KCNJ16: variants seen among roughly 807,000 people sequenced by gnomAD.
KCNJ16 encodes the protein potassium inwardly rectifying channel subfamily J member 16.
Under a neutral mutation model 18.5 loss-of-function variants are expected in KCNJ16, and 15 were observed. The ratio of observed to expected loss-of-function variants is 0.81; its 90% confidence interval spans 0.54 to 1.25. The LOEUF is 1.25. Among genes scored for constraint, KCNJ16 ranks in the 50% most tolerant of loss-of-function variants. The pLI, the probability that KCNJ16 is intolerant of heterozygous loss-of-function variation, is 0.00. For missense variants in KCNJ16, 523 were observed against 525.7 expected (o/e 0.99, Z 0.05); for synonymous variants, 174 against 186.5 (o/e 0.93, Z 0.55).
At chr17:70,130,069 A>G (rs1479543350) in intron 2 of KCNJ16, among the ~76,000 whole-genome samples, 1 of 152,144 alleles carries the variant, frequency 6.6e-6, no homozygotes, top group Non-Finnish European at 1.5e-5. Context: ...GGACACATTT[A>G]ACAAGAAAAT....
At chr17:70,092,074 T>C (rs142479735) in intron 1 of KCNJ16, among the ~76,000 whole-genome samples, 1 of 152,206 alleles carries the variant, frequency 6.6e-6, no homozygotes, top group South Asian at 2.1e-4. Flanking sequence ...AACATCTACC[T>C]AAAAGCACAT....
chr17:70,089,528 G>A (rs941704396), intron 1 of KCNJ16, among the ~76,000 whole-genome samples: 1 of 152,044 alleles, frequency 6.6e-6, no homozygotes, highest in Admixed American at 6.6e-5. Context: ...CCCAAAGGTG[G>A]AATCTGTGAC....
chr17:70,110,899 G>A (rs1428586583), intron 2 of KCNJ16, among the ~76,000 whole-genome samples: 1 of 152,116 alleles, frequency 6.6e-6, no homozygotes, highest in Non-Finnish European at 1.5e-5. Context: ...ATTCTTAATG[G>A]TTTGGTCTGG....
At chr17:70,121,323 A>G (rs1187685643) in intron 2 of KCNJ16, among the ~76,000 whole-genome samples, 2 of 152,184 alleles carry the variant, frequency 1.3e-5, no homozygotes, top group African/African-American at 4.8e-5. Context: ...TTCAGGAACA[A>G]TATGTAGCCG....
chr17:70,094,328 T>C (rs2072254666), intron 1 of KCNJ16, among the ~76,000 whole-genome samples: 1 of 152,204 alleles, frequency 6.6e-6, no homozygotes, highest in Non-Finnish European at 1.5e-5. Context: ...TTTATTTTCA[T>C]GGCAGGAATA....
chr17:70,124,091 C>CAAACAAACAA (rs1266506300), intron 2 of KCNJ16, among the ~76,000 whole-genome samples: 7 of 152,156 alleles, frequency 4.6e-5, no homozygotes, highest in Non-Finnish European at 8.8e-5. Flanking sequence ...GACTGTACCT[C>CAAACAAACAA]AAACAAACAA....
At chr17:70,121,567 G>C (rs2144142523) in intron 2 of KCNJ16, among the ~76,000 whole-genome samples, 1 of 152,294 alleles carries the variant, frequency 6.6e-6, no homozygotes, top group South Asian at 2.1e-4. Flanking sequence ...TACAGATTAT[G>C]CAAATTATTC....
chr17:70,101,128 T>C (rs2072600622), intron 2 of KCNJ16: 1 of 152,214 alleles, frequency 6.6e-6, no homozygotes, highest in South Asian at 2.1e-4. Context: ...TGGAGTGACT[T>C]TGCTCACCAA....
chr17:70,123,178 C>G (rs746329848), intron 2 of KCNJ16, among the ~76,000 whole-genome samples: 18 of 152,176 alleles, frequency 1.2e-4, no homozygotes, highest in Non-Finnish European at 2.5e-4. Flanking sequence ...CTCTGGCTCT[C>G]TCTTTCTAGC....
At chr17:70,084,293 T>G (rs374864520) in intron 1 of KCNJ16, among the ~76,000 whole-genome samples, 3 of 152,144 alleles carry the variant, frequency 2.0e-5, no homozygotes, top group East Asian at 3.9e-4. Flanking sequence ...ATATACCACA[T>G]CTGACACGTC....
chr17:70,083,498 G>A (rs2071647761), intron 1 of KCNJ16, among the ~76,000 whole-genome samples: 1 of 151,872 alleles, frequency 6.6e-6, no homozygotes, highest in Admixed American at 6.6e-5. Flanking sequence ...CATTTTCTAT[G>A]TTTAGACAAC....
At chr17:70,096,985 T>A (rs2072406348) in intron 1 of KCNJ16, 2 of 397,962 alleles carry the variant, frequency 5.0e-6, no homozygotes, top group Admixed American at 4.4e-5. Context: ...TTTTCTCTAT[T>A]CTCTTTTGAA....
At chr17:70,106,524 G>A (rs2143929525) in intron 2 of KCNJ16, among the ~76,000 whole-genome samples, 1 of 152,274 alleles carries the variant, frequency 6.6e-6, no homozygotes, top group East Asian at 1.9e-4. Flanking sequence ...AATATACCAA[G>A]TGGTGCAATT....
chr17:70,131,263 C>T, intron 3 of KCNJ16: 1 of 890,856 alleles, frequency 1.1e-6, no homozygotes, highest in Non-Finnish European at 1.5e-6. Flanking sequence ...AAGACAGAGG[C>T]AATTTTACAC....
chr17:70,114,966 T>C, intron 2 of KCNJ16, among the ~76,000 whole-genome samples: 1 of 152,164 alleles, frequency 6.6e-6, no homozygotes, highest in East Asian at 1.9e-4. Flanking sequence ...ACAGCTTCTT[T>C]TTATCCTCAT....
rs1182689169 is a variant in KCNJ16, at chr17:70,132,117, T to C, written c.30T>C (p.Ile10=). The C allele has an allele frequency of 1.1e-5, 17 of 1,614,088 alleles. No homozygotes were observed. Among genetic ancestry groups the C allele is most frequent in the Non-Finnish European group, 1.4e-5 (17 of 1,180,036 alleles). The change falls in exon 4 of 4, where the codon ATT becomes ATC. Residue 10 remains isoleucine, a synonymous_variant. Coordinates refer to ENST00000392671, the MANE Select transcript of KCNJ16 (RefSeq NM_170741.4). MSYYGSSYH[I]INADAKYPGY... ...GCTATTACGGCAGCAGCTATCATAT[T>C]ATCAATGCGGACGCAAAATACCCAG...
Position 70,133,408 on chromosome 17 carries a change from G to A in KCNJ16, c.*64G>A, listed in dbSNP as rs2074136684. The A allele has an allele frequency of 6.9e-7, 1 of 1,443,174 alleles. No individual in the cohort carries two copies. Among genetic ancestry groups the A allele is most frequent in the Non-Finnish European group, 9.4e-7 (1 of 1,058,814 alleles). The allele number at this position is 1,443,174 out of a possible 1,614,324, so 89.4% of individuals were successfully genotyped here. A position where few individuals can be genotyped will look rare whatever the true frequency, so the allele number is the denominator to read the frequency against. On this transcript the variant is annotated 3_prime_UTR_variant, in exon 4 of 4. Coordinates refer to ENST00000392671, the MANE Select transcript of KCNJ16 (RefSeq NM_170741.4). ...TTATCTTTCAGCCAATCAAGTCGTT[G>A]TAAACGTGGCTTTTTTGAAAGTGTT...
In KCNJ16 at chr17:70,117,482, A is replaced by G. The variant is rs140708372; in HGVS notation, c.-190-13397A>G. Among the ~76,000 whole-genome samples the G allele has an allele frequency of 4.0e-3, 615 of 152,294 alleles. 4 individuals carry two copies. The highest frequency in any genetic ancestry group is 0.032 in the South Asian group (155 of 4,822). On this transcript the variant is annotated intron_variant, in intron 2 of 3. Transcript: ENST00000392671. Reference sequence around the variant, plus strand: ...AAATAATAATAATATAAAATTTCATACTGAACTCCGTTATCAGTCCTGAGG... The same window carrying G: ...AAATAATAATAATATAAAATTTCATGCTGAACTCCGTTATCAGTCCTGAGG...
At chr17:70,081,936 T>C (rs528535932) in intron 1 of KCNJ16, among the ~76,000 whole-genome samples, 4 of 152,294 alleles carry the variant, frequency 2.6e-5, no homozygotes, top group South Asian at 2.1e-4. Context: ...ATGAAAATAA[T>C]AGCATTCAGT....
Sources: gnomAD v4.1 joint callset for allele counts (sites outside exome capture counted in the v4.1 genomes callset) on GRCh38, gnomAD v4.1.1 for gene constraint, MANE v1.5 for transcripts, NCBI Gene and HGNC (gene_info 2026-07-23, HGNC 2026-07-21) for gene names.